Variants in CATSPERB observed in about 807,000 individuals in gnomAD.
The protein encoded by CATSPERB is cation channel sperm-associated auxiliary subunit beta.
CATSPERB carries 93 observed loss-of-function variants against 128.3 expected under a neutral mutation model. The ratio of observed to expected loss-of-function variants is 0.72; its 90% CI spans 0.61 to 0.86. CATSPERB has a LOEUF of 0.86. Ranked by LOEUF, CATSPERB falls within the 40% of genes least tolerant of loss-of-function variation. The pLI, the probability that CATSPERB is intolerant of heterozygous loss-of-function variation, is 0.00. For missense variants in CATSPERB, 1,153 were observed against 1,329.5 expected (o/e 0.87, Z 2.06); for synonymous variants, 381 against 448.8 (o/e 0.85, Z 1.91).
intron 17 of CATSPERB, among the ~76,000 whole-genome samples, chr14:91,625,785 C>T (rs1451178071): frequency 2.0e-5 from 3 of 152,084 alleles, no homozygotes; most frequent in Admixed American, 1.3e-4. Context: ...CTTGCATATC[C>T]ACATGCAAAA....
chr14:91,713,874 GAA>G (rs1454889654), intron 5 of CATSPERB, among the ~76,000 whole-genome samples: 3 of 151,996 alleles, frequency 2.0e-5, no homozygotes, highest in Non-Finnish European at 4.4e-5. Context: ...TCCAAGAAAA[GAA>G]AATAAATCTC....
At chr14:91,638,723 C>A (rs1304460639) in intron 16 of CATSPERB, among the ~76,000 whole-genome samples, 1 of 152,150 alleles carries the variant, frequency 6.6e-6, no homozygotes, top group African/African-American at 2.4e-5. Flanking sequence ...CGCCTGGCCT[C>A]ACAACCCATG....
chr14:91,645,709 A>T (rs375659155), intron 15 of CATSPERB, among the ~76,000 whole-genome samples: 60 of 133,312 alleles, frequency 4.5e-4, no homozygotes, highest in African/African-American at 1.5e-3. Flanking sequence ...AGGCAGGCAG[A>T]CCTCCTTGAG....
intron 10 of CATSPERB, among the ~76,000 whole-genome samples, chr14:91,684,605 CTTT>C (rs1160778932): frequency 7.1e-5 from 8 of 112,324 alleles, no homozygotes; most frequent in African/African-American, 1.0e-4. Context: ...GGAGACACTT[CTTT>C]TTTTTTTTTT....
chr14:91,647,286 G>A (rs942096389), intron 15 of CATSPERB, among the ~76,000 whole-genome samples: 7 of 152,196 alleles, frequency 4.6e-5, no homozygotes, highest in Admixed American at 6.5e-5. Context: ...CGTAAGGGTA[G>A]AGCCCTCAGG....
chr14:91,663,644 CAAA>C (rs34498815), intron 14 of CATSPERB, among the ~76,000 whole-genome samples: 53 of 86,728 alleles, frequency 6.1e-4, no homozygotes, highest in East Asian at 2.3e-3. Flanking sequence ...GACTCCGTCT[CAAA>C]AAAAAAAAAA....
intron 4 of CATSPERB, among the ~76,000 whole-genome samples, chr14:91,719,697 C>T (rs1287574489): frequency 6.6e-6 from 1 of 152,052 alleles, no homozygotes; most frequent in African/African-American, 2.4e-5. Flanking sequence ...AATGGCTGAA[C>T]ATTGGAAATA....
intron 17 of CATSPERB, among the ~76,000 whole-genome samples, chr14:91,630,972 C>T (rs944532827): frequency 6.6e-6 from 1 of 152,156 alleles, no homozygotes; most frequent in Non-Finnish European, 1.5e-5. Context: ...AAACACATCC[C>T]AATTTTTCTT....
chr14:91,663,785 T>TA, intron 14 of CATSPERB, among the ~76,000 whole-genome samples: 1 of 152,256 alleles, frequency 6.6e-6, no homozygotes, highest in Admixed American at 6.5e-5. Context: ...TTTATTGAGG[T>TA]AAAAAACACA....
chr14:91,713,246 C>T (rs1895872108), intron 5 of CATSPERB, among the ~76,000 whole-genome samples: 1 of 151,010 alleles, frequency 6.6e-6, no homozygotes, highest in Admixed American at 6.6e-5. Flanking sequence ...CAGTACTTTG[C>T]TGACCCCTGA....
intron 11 of CATSPERB, among the ~76,000 whole-genome samples, chr14:91,674,587 A>AT (rs891717371): frequency 3.9e-5 from 6 of 151,960 alleles, no homozygotes; most frequent in Non-Finnish European, 7.4e-5. Context: ...GCATTTTAAA[A>AT]TTTTTTTTAT....
chr14:91,709,139 C>G (rs1895787681), intron 5 of CATSPERB: 1 of 152,240 alleles, frequency 6.6e-6, no homozygotes, highest in South Asian at 2.1e-4. Flanking sequence ...ACTAAAGCAG[C>G]CAGTGCCCAA....
chr14:91,641,313 T>C (rs1894495111), intron 15 of CATSPERB, among the ~76,000 whole-genome samples: 1 of 148,592 alleles, frequency 6.7e-6, no homozygotes, highest in Non-Finnish European at 1.5e-5. Flanking sequence ...TCCTTGCCCA[T>C]GCCTATGTCC....
intron 22 of CATSPERB, among the ~76,000 whole-genome samples, chr14:91,594,541 C>T (rs990749168): frequency 1.3e-5 from 2 of 151,894 alleles, no homozygotes; most frequent in African/African-American, 4.8e-5. Context: ...TGAGGCCTCC[C>T]CAGCCATGTG....
chr14:91,723,382 T>A (rs1156445252), intron 3 of CATSPERB, among the ~76,000 whole-genome samples, 193 bp from the exon 4 acceptor site: 1 of 152,142 alleles, frequency 6.6e-6, no homozygotes, highest in Non-Finnish European at 1.5e-5. Flanking sequence ...TAATAATCTT[T>A]TCTATCATAG....
At chr14:91,639,298 C>T (rs764928465) in intron 15 of CATSPERB, 48 bp from the exon 16 acceptor site, 18 of 1,535,194 alleles carry the variant, frequency 1.2e-5, no homozygotes, top group East Asian at 6.8e-5. Flanking sequence ...TAACAGAAGT[C>T]GAAAAACTTT....
In CATSPERB at chr14:91,725,177, T is replaced by TA. The variant is rs200048082; in HGVS notation, c.80-10dup. ...GCGTTTCTCTGTATCATCTAAATAA[T>TA]AAAAAAAATACATATATTAGATCAC... On this transcript the variant is annotated splice_polypyrimidine_tract_variant and intron_variant, in intron 2 of 26. Coordinates refer to ENST00000256343, the MANE Select transcript of CATSPERB (RefSeq NM_024764.4). 3.7e-4 allele frequency: 523 copies of TA among 1,396,736 alleles called. No homozygotes were observed. Among genetic ancestry groups the TA allele is most frequent in the Non-Finnish European group, 4.5e-4 (467 of 1,029,932 alleles). 86.5% of individuals were successfully genotyped at this position (1,396,736 alleles called of 1,614,324 possible).
intron 23 of CATSPERB, among the ~76,000 whole-genome samples, chr14:91,590,471 C>A (rs530800509): frequency 6.6e-6 from 1 of 151,942 alleles, no homozygotes; most frequent in Non-Finnish European, 1.5e-5. Context: ...GCGGAGGTTG[C>A]GGTGAGCTGA....
chr14:91,618,192 G>C (rs190498381), intron 19 of CATSPERB, among the ~76,000 whole-genome samples: 1 of 152,166 alleles, frequency 6.6e-6, no homozygotes, highest in South Asian at 2.1e-4. Context: ...GCTGGTGGGA[G>C]TGTAGCACTG....
Sources: gnomAD v4.1 joint callset for allele counts (sites outside exome capture counted in the v4.1 genomes callset) on GRCh38, gnomAD v4.1.1 for gene constraint, MANE v1.5 for transcripts, NCBI Gene and HGNC (gene_info 2026-07-23, HGNC 2026-07-21) for gene names.